Variants in GALNT17 observed in about 807,000 individuals in gnomAD.
The protein encoded by GALNT17 is polypeptide N-acetylgalactosaminyltransferase 17.
Under a neutral mutation model 63.7 loss-of-function variants are expected in GALNT17, and 29 were observed. That is an observed-to-expected ratio of 0.46 (90% CI 0.34 to 0.62). The LOEUF (loss-of-function observed/expected upper bound fraction) is 0.62, where lower values mean the gene tolerates loss of function less well. Ranked by LOEUF, GALNT17 falls within the 20% of genes least tolerant of loss-of-function variation. The probability of loss-of-function intolerance (pLI) is 0.01; values close to 1 mark genes in which losing one functional copy is unlikely to be tolerated. For synonymous variants in GALNT17, 305 were observed against 318.3 expected, an observed-to-expected ratio of 0.96 and a Z score of 0.45; for missense variants, 603 against 799.6, an observed-to-expected ratio of 0.75 and a Z score of 2.97.
chr7:71,652,260 C>T (rs1355647107), intron 6 of GALNT17, among the ~76,000 whole-genome samples: 12 of 151,874 alleles, frequency 7.9e-5, no homozygotes, highest in Non-Finnish European at 1.2e-4. Flanking sequence ...CTTACCACCG[C>T]GGTACTTAAA....
intron 6 of GALNT17, among the ~76,000 whole-genome samples, chr7:71,664,382 G>A (rs1401144244): frequency 1.3e-5 from 2 of 152,142 alleles, no homozygotes; most frequent in African/African-American, 4.8e-5. Context: ...GGCCAAGGTG[G>A]AAGAATCGCT....
chr7:71,377,111 AAAAATAT>A (rs1792751038), intron 2 of GALNT17, among the ~76,000 whole-genome samples: 3 of 78,746 alleles, frequency 3.8e-5, no homozygotes, highest in Non-Finnish European at 7.4e-5. Flanking sequence ...TAAAAATAAA[AAAAATAT>A]ATATATATAT....
chr7:71,336,750 T>G (rs1243644936), intron 2 of GALNT17, among the ~76,000 whole-genome samples: 1 of 152,212 alleles, frequency 6.6e-6, no homozygotes, highest in Non-Finnish European at 1.5e-5. Context: ...TGATGGGCAT[T>G]TAGGTTGATT....
At chr7:71,243,054 T>A (rs1359655021) in intron 1 of GALNT17, among the ~76,000 whole-genome samples, 1 of 152,186 alleles carries the variant, frequency 6.6e-6, no homozygotes, top group African/African-American at 2.4e-5. Flanking sequence ...AATCCCTACA[T>A]GTTGAGGGAG....
At chr7:71,426,144 C>T (rs1355235228) in intron 5 of GALNT17, among the ~76,000 whole-genome samples, 2 of 152,180 alleles carry the variant, frequency 1.3e-5, no homozygotes, top group African/African-American at 2.4e-5. Flanking sequence ...CTAGGGATTA[C>T]AATTCAACAT....
At chr7:71,474,762 A>G (rs991825479) in intron 5 of GALNT17, among the ~76,000 whole-genome samples, 1 of 152,150 alleles carries the variant, frequency 6.6e-6, no homozygotes, top group African/African-American at 2.4e-5. Flanking sequence ...CAAGATACCC[A>G]CATTCCAATC....
chr7:71,363,734 G>A (rs143697152), intron 2 of GALNT17, among the ~76,000 whole-genome samples: 4 of 152,336 alleles, frequency 2.6e-5, no homozygotes, highest in East Asian at 1.9e-4. Flanking sequence ...TCGGACAGCC[G>A]CGTGGTGGAT....
Position 71,637,983 on chromosome 7 carries a change from A to G in GALNT17, c.1081-27428A>G, listed in dbSNP as rs1476630577. On this transcript the variant is annotated intron_variant, in intron 6 of 10. Coordinates refer to ENST00000333538, the MANE Select transcript of GALNT17 (RefSeq NM_022479.3). ...CAAAGGCTGCTGGTTGCCCATGTTTATGGTTATTTCTTGATGATATGCTAA... is the reference window on the plus strand; with the variant it reads ...CAAAGGCTGCTGGTTGCCCATGTTTGTGGTTATTTCTTGATGATATGCTAA... Among the ~76,000 whole-genome samples the G allele has an allele frequency of 2.0e-5, 3 of 152,324 alleles. No individual in the cohort carries two copies. In the East Asian group the frequency reaches 5.8e-4, roughly 29 times the overall value.
intron 1 of GALNT17, among the ~76,000 whole-genome samples, chr7:71,293,339 C>G (rs1791019229): frequency 6.6e-6 from 1 of 152,102 alleles, no homozygotes; most frequent in Non-Finnish European, 1.5e-5. Context: ...CAGGGTTTCC[C>G]TTTACTCCAA....
At chr7:71,709,860 A>G (rs936504643) in intron 9 of GALNT17, among the ~76,000 whole-genome samples, 21 of 152,124 alleles carry the variant, frequency 1.4e-4, no homozygotes, top group Non-Finnish European at 4.4e-5. Context: ...CAGCCTCCCA[A>G]AGTGCTGGGA....
chr7:71,197,659 T>C (rs923782254), intron 1 of GALNT17, among the ~76,000 whole-genome samples: 3 of 152,238 alleles, frequency 2.0e-5, no homozygotes, highest in East Asian at 3.9e-4. Flanking sequence ...TTCAACTGTT[T>C]CAATTTTTAG....
intron 1 of GALNT17, among the ~76,000 whole-genome samples, chr7:71,322,911 T>C (rs1240028299): frequency 6.6e-6 from 1 of 152,176 alleles, no homozygotes; most frequent in Non-Finnish European, 1.5e-5. Context: ...TAAAGGTCTG[T>C]TGTTTAAGCC....
chr7:71,359,317 G>C (rs148325685), intron 2 of GALNT17, among the ~76,000 whole-genome samples: 7 of 152,156 alleles, frequency 4.6e-5, no homozygotes, highest in Non-Finnish European at 8.8e-5. Flanking sequence ...AGGAGCCAGC[G>C]TGCAGAGATC....
intron 2 of GALNT17, among the ~76,000 whole-genome samples, chr7:71,366,954 C>T (rs970782321): frequency 6.6e-6 from 1 of 152,018 alleles, no homozygotes; most frequent in Non-Finnish European, 1.5e-5. Context: ...ATGTGGGTTC[C>T]TTCTGTTGAT....
At chr7:71,273,802 A>G (rs1790634757) in intron 1 of GALNT17, among the ~76,000 whole-genome samples, 1 of 152,106 alleles carries the variant, frequency 6.6e-6, no homozygotes, top group African/African-American at 2.4e-5. Context: ...GTCAAATACA[A>G]TCATGGCATT....
chr7:71,521,562 G>A lies in GALNT17; in HGVS notation c.963-49723G>A, dbSNP rs552357748. 3.3e-5 allele frequency among the ~76,000 whole-genome samples: 5 copies of A among 152,186 alleles called. 1 individual carries two copies. In the South Asian group the frequency reaches 6.2e-4, roughly 19 times the overall value. Reference sequence around the variant, plus strand: ...AGCCTTTCTGCCTCCTGTGGGTAAGGACTGCAGTGAAATCAGATCACCGTG... The same window carrying A: ...AGCCTTTCTGCCTCCTGTGGGTAAGAACTGCAGTGAAATCAGATCACCGTG... On this transcript the variant is annotated intron_variant, in intron 5 of 10. Coordinates refer to ENST00000333538, the MANE Select transcript of GALNT17 (RefSeq NM_022479.3).
intron 1 of GALNT17, among the ~76,000 whole-genome samples, chr7:71,310,651 A>G (rs1270459521): frequency 6.6e-6 from 1 of 152,116 alleles, no homozygotes; most frequent in Non-Finnish European, 1.5e-5. Context: ...TTGTATCCTA[A>G]CCCCAGCATC....
chr7:71,330,354 C>G (rs1791787148), intron 1 of GALNT17, among the ~76,000 whole-genome samples: 1 of 151,764 alleles, frequency 6.6e-6, no homozygotes, highest in African/African-American at 2.4e-5. Flanking sequence ...AACTTGAACA[C>G]TTAGTTATTT....
chr7:71,148,514 A>G (rs1788065904), intron 1 of GALNT17, among the ~76,000 whole-genome samples: 1 of 152,184 alleles, frequency 6.6e-6, no homozygotes, highest in South Asian at 2.1e-4. Flanking sequence ...GCAAAAGAGA[A>G]GGAGAACGGG....
Sources: allele counts gnomAD v4.1 joint callset (sites outside exome capture counted in the v4.1 genomes callset), GRCh38; gene constraint gnomAD v4.1.1; transcripts MANE v1.5; gene names NCBI Gene and HGNC (gene_info 2026-07-23, HGNC 2026-07-21).